Variants in MACF1 observed in about 807,000 individuals in gnomAD.
MACF1 encodes microtubule-actin cross-linking factor 1.
A neutral mutation model predicts 854.8 loss-of-function variants in MACF1; 193 were observed. That is an observed-to-expected ratio of 0.23 (90% CI 0.20 to 0.25). The LOEUF (loss-of-function observed/expected upper bound fraction) is 0.25. MACF1 is among the 10% of genes least tolerant of loss of function. MACF1 has a pLI of 1.00. For synonymous variants in MACF1, 3,185 were observed against 3,226.7 expected, an observed-to-expected ratio of 0.99 and a Z score of 0.44; for missense variants, 7,722 against 8,929.1, an observed-to-expected ratio of 0.86 and a Z score of 5.45.
At chr1:39,269,082 G>C (rs1458016269) in intron 6 of MACF1, 10 of 1,289,674 alleles carry the variant, frequency 7.8e-6, no homozygotes, top group Non-Finnish European at 9.1e-6. Context: ...TGAGTCATCA[G>C]TTGCTGGAGG....
At chr1:39,416,931 T>A (rs370360661) in intron 58 of MACF1, among the ~76,000 whole-genome samples, 5 of 152,204 alleles carry the variant, frequency 3.3e-5, no homozygotes, top group African/African-American at 1.2e-4. Flanking sequence ...AACAAATCAT[T>A]ATAGAGTTAA....
At position 39,437,961 on chromosome 1, in the gene MACF1, A is replaced by T; in HGVS notation, c.18173A>T (p.Glu6058Val). The change falls in exon 71 of 101, where the codon GAG (glutamate) becomes GTG (valine). Residue 6058 changes from glutamate to valine, a missense_variant. Glu to Val is a moderately radical substitution (Grantham distance 121, BLOSUM62 -2). Transcript: ENST00000564288. ...GAGGCCTTGAAGCGCCGTGGAGAGG[A>T]GCTTATTGGACGATCTCAGGGAGCA... ...SFEALKRRGE[E>V]LIGRSQGADK... 1 of 1,614,066 alleles carries T rather than the reference A, an allele frequency of 6.2e-7. No homozygotes were observed. The highest frequency in any genetic ancestry group is 2.2e-5 in the East Asian group (1 of 44,868).
chr1:39,451,443 C>T (rs1028775828), intron 85 of MACF1, among the ~76,000 whole-genome samples: 8 of 152,138 alleles, frequency 5.3e-5, no homozygotes, highest in African/African-American at 1.9e-4. Context: ...TTCAAGGTTG[C>T]GCCTCTTCCT....
In MACF1 at chr1:39,317,407, G is replaced by T. The variant is rs774006736; in HGVS notation, c.3782G>T (p.Arg1261Leu). ...CGAGTCATTGCCCAGCTCGAGATTC[G>T]GTGAGTGGTGGCCCCACCTTTTTCT... ...WHRVIAQLEI[R>L]QSELESIQEV... is the part of the protein sequence containing the mutation. The change falls in exon 29 of 101, where the codon CGC becomes CTC. Residue 1261 changes from arginine (R) to leucine (L), a missense_variant and splice_region_variant. By Grantham distance (102) the Arg-to-Leu change is moderately radical (BLOSUM62 -2). This residue lies in a region of MACF1 where 1,137 missense variants were observed against 1,263.0 expected (regional missense o/e 0.90). Transcript: ENST00000564288. 3.1e-6 allele frequency: 5 copies of T among 1,611,960 alleles called. No homozygotes were observed. In the East Asian group the frequency reaches 1.1e-4, roughly 36 times the overall value.
chr1:39,486,580 G>A lies in MACF1; in HGVS notation c.*786G>A, dbSNP rs979265581. 5 of 152,556 alleles carry A rather than the reference G, an allele frequency of 3.3e-5. No individual in the cohort carries two copies. Among genetic ancestry groups the A allele is most frequent in the East Asian group, 3.8e-4 (2 of 5,202 alleles). The allele number at this position is 152,556 out of a possible 1,614,324, so 9.5% of individuals were successfully genotyped here. On this transcript the variant is annotated 3_prime_UTR_variant, in exon 101 of 101. Coordinates refer to ENST00000564288, the MANE Select transcript of MACF1 (RefSeq NM_001394062.1). ...CAGACCCTTGGCAAGGGATAGGCTC[G>A]TTGGTGACATTGTGAATTTCAGATT...
chr1:39,429,797 A>G (rs1176919670), intron 64 of MACF1, 30 bp from the exon 65 acceptor site: 2 of 1,609,962 alleles, frequency 1.2e-6, no homozygotes, highest in Non-Finnish European at 1.7e-6. Flanking sequence ...GGTCTCTTAA[A>G]TATGAGTAAT....
intron 58 of MACF1, among the ~76,000 whole-genome samples, chr1:39,408,926 GCCCCGCCCCCGCCGGGCCCCGC>G (rs1337060681): frequency 6.6e-6 from 1 of 151,498 alleles, no homozygotes; most frequent in Non-Finnish European, 1.5e-5. Flanking sequence ...CCTCTCCCCG[GCCCCGCCCCCGCCGGGCCCCGC>G]CCCCGCCCTC....
At chr1:39,293,660 C>T (rs754900207) in intron 18 of MACF1, 41 bp downstream of exon 18, 1 of 1,578,962 alleles carries the variant, frequency 6.3e-7, no homozygotes, top group South Asian at 1.2e-5. Flanking sequence ...ACTTATTTAA[C>T]AGCAGCAGAA....
chr1:39,258,076 C>A, intron 6 of MACF1, 48 bp downstream of exon 6: 2 of 1,490,056 alleles, frequency 1.3e-6, no homozygotes, highest in Non-Finnish European at 9.4e-7. Flanking sequence ...TTGGACATGG[C>A]CTAGAAAGTT....
chr1:39,232,521 G>A (rs1275720696), intron 2 of MACF1, among the ~76,000 whole-genome samples: 1 of 151,976 alleles, frequency 6.6e-6, no homozygotes, highest in African/African-American at 2.4e-5. Flanking sequence ...CTTCCATGAT[G>A]GTGTTCCCCA....
At chr1:39,225,674 C>T (rs189917474) in intron 1 of MACF1, among the ~76,000 whole-genome samples, 3 of 152,068 alleles carry the variant, frequency 2.0e-5, no homozygotes, top group African/African-American at 7.2e-5. Context: ...TTGTTTATAG[C>T]CTTTGGTGGG....
intron 2 of MACF1, among the ~76,000 whole-genome samples, chr1:39,110,873 G>A (rs974717900): frequency 6.6e-6 from 1 of 152,154 alleles, no homozygotes; most frequent in Non-Finnish European, 1.5e-5. Flanking sequence ...GATCATGGTG[G>A]AAAGAATACT....
chr1:39,123,343 G>T (rs1194505890), intron 2 of MACF1, among the ~76,000 whole-genome samples: 1 of 150,878 alleles, frequency 6.6e-6, no homozygotes, highest in Non-Finnish European at 1.5e-5. Flanking sequence ...GAGTAGCTGT[G>T]ACCACAGGTG....
In MACF1 at chr1:39,335,775, C is replaced by T. The variant is rs1646800343; in HGVS notation, c.9187C>T (p.Leu3063Phe). The T allele has an allele frequency of 2.5e-6, 4 of 1,614,148 alleles. No homozygotes were observed. The East Asian group carries it at 8.9e-5, about 36-fold the overall frequency. The change falls in exon 37 of 101, where the codon CTC becomes TTC. Residue 3063 changes from leucine to phenylalanine, a missense_variant. By Grantham distance (22) the Leu-to-Phe change is conservative (BLOSUM62 0). This residue lies in a region of MACF1 where 854 missense variants were observed against 852.6 expected (regional missense o/e 1.00). Transcript: ENST00000564288. ...TGTAAAACATTTAGATGCTTTAACA[C>T]TCTTCAGCTCTAAACAGGCCAATGA... ...ISVKHLDALT[L>F]FSSKQANEGK...
In MACF1 at chr1:39,310,396, G is replaced by T; in HGVS notation, c.3068G>T (p.Arg1023Leu). The change falls in exon 25 of 101, where the codon CGC (arginine) becomes CTC (leucine). Residue 1023 changes from arginine (R) to leucine (L), a missense_variant. By Grantham distance (102) the Arg-to-Leu change is moderately radical (BLOSUM62 -2). This residue lies in a region of MACF1 where 1,137 missense variants were observed against 1,263.0 expected (regional missense o/e 0.90). Coordinates refer to ENST00000564288, the MANE Select transcript of MACF1 (RefSeq NM_001394062.1). The stretch of plus-strand genomic sequence containing the variant: ...GAGGAGGTGGAAGCTTGTAAAGCCC[G>T]CTTCCAGCACCTGATGAAGTCCATG... The part of the protein sequence containing the change: ...LEEEVEACKA[R>L]FQHLMKSMEN... The T allele has an allele frequency of 3.1e-6, 5 of 1,614,056 alleles. No homozygotes were observed. Among genetic ancestry groups the T allele is most frequent in the Non-Finnish European group, 4.2e-6 (5 of 1,179,982 alleles).
chr1:39,282,000 C>G (rs1645557038), intron 6 of MACF1, among the ~76,000 whole-genome samples: 1 of 152,080 alleles, frequency 6.6e-6, no homozygotes, highest in Non-Finnish European at 1.5e-5. Flanking sequence ...CAAACATTTC[C>G]TAGTTTGATA....
intron 58 of MACF1, chr1:39,414,346 G>A (rs1643188984): frequency 1.2e-6 from 2 of 1,614,006 alleles, no homozygotes; most frequent in South Asian, 1.1e-5. Flanking sequence ...TGTTCTAGAG[G>A]AGGCTTCCTC....
At chr1:39,350,211 G>A (rs1453882340) in intron 42 of MACF1, among the ~76,000 whole-genome samples, 2 of 152,192 alleles carry the variant, frequency 1.3e-5, no homozygotes, top group South Asian at 2.1e-4. Flanking sequence ...ATATGTAGGC[G>A]TTAATGCATG....
At chr1:39,357,293 A>G (rs1647677880) in intron 44 of MACF1, 82 bp from the exon 45 acceptor site, 3 of 1,431,610 alleles carry the variant, frequency 2.1e-6, no homozygotes, top group Non-Finnish European at 2.9e-6. Context: ...CACATGGAGT[A>G]TGAAGTCCAG....
Sources: allele counts gnomAD v4.1 joint callset (sites outside exome capture counted in the v4.1 genomes callset), GRCh38; gene constraint gnomAD v4.1.1; regional missense constraint gnomAD v4.1.1; transcripts MANE v1.5; gene names NCBI Gene and HGNC (gene_info 2026-07-23, HGNC 2026-07-21).